ARSB: variants seen among roughly 807,000 people sequenced by gnomAD.
ARSB encodes arylsulfatase B.
ARSB carries 41 observed loss-of-function variants against 50.9 expected under a neutral mutation model. The observed-to-expected ratio is 0.81, with a 90% CI of 0.63 to 1.04. ARSB has a LOEUF of 1.04. Among genes scored for constraint, ARSB ranks in the 50% least tolerant of loss-of-function variants. The pLI is 0.00. For missense variants in ARSB, 672 were observed against 693.3 expected, an observed-to-expected ratio of 0.97 and a Z score of 0.35; for synonymous variants, 269 against 284.8, an observed-to-expected ratio of 0.94 and a Z score of 0.56.
chr5:78,812,620 CACACACACACAT>C (rs1467857414), intron 6 of ARSB, among the ~76,000 whole-genome samples: 11 of 151,020 alleles, frequency 7.3e-5, no homozygotes, highest in East Asian at 2.0e-4. Context: ...CACACACACA[CACACACACACAT>C]GATATCACAA....
intron 4 of ARSB, among the ~76,000 whole-genome samples, chr5:78,921,091 C>T (rs1235061454): frequency 1.3e-5 from 2 of 152,156 alleles, no homozygotes; most frequent in African/African-American, 2.4e-5. Flanking sequence ...CCTGGACGCT[C>T]AATGACCTGT....
At chr5:78,925,507 G>A (rs1048965741) in intron 4 of ARSB, among the ~76,000 whole-genome samples, 4 of 151,988 alleles carry the variant, frequency 2.6e-5, no homozygotes, top group African/African-American at 4.8e-5. Flanking sequence ...GAGGAAAGAA[G>A]TAGCAAGATT....
chr5:78,898,262 T>C (rs1285742562), intron 4 of ARSB, among the ~76,000 whole-genome samples: 1 of 152,130 alleles, frequency 6.6e-6, no homozygotes, highest in East Asian at 1.9e-4. Flanking sequence ...TGAGGCTCTG[T>C]CTCAAAACAA....
chr5:78,835,104 A>G (rs1744891978), intron 6 of ARSB, among the ~76,000 whole-genome samples: 1 of 151,994 alleles, frequency 6.6e-6, no homozygotes, highest in Non-Finnish European at 1.5e-5. Flanking sequence ...CTCCTGATCT[A>G]TGAGAGATTT....
At chr5:78,845,526 C>G (rs1405120922) in intron 5 of ARSB, among the ~76,000 whole-genome samples, 1 of 152,114 alleles carries the variant, frequency 6.6e-6, no homozygotes, top group Non-Finnish European at 1.5e-5. Flanking sequence ...TTCTCTACAA[C>G]CTCGCCAGGA....
intron 3 of ARSB, among the ~76,000 whole-genome samples, chr5:78,957,835 G>T (rs1260325396): frequency 1.3e-5 from 2 of 151,946 alleles, no homozygotes; most frequent in Non-Finnish European, 2.9e-5. Flanking sequence ...TGCAGTATGG[G>T]TCTGCTCTGG....
intron 6 of ARSB, among the ~76,000 whole-genome samples, chr5:78,827,885 TGA>T (rs1744504968): frequency 6.6e-6 from 1 of 151,912 alleles, no homozygotes; most frequent in Non-Finnish European, 1.5e-5. Context: ...TTTACTTCAC[TGA>T]GAGTTTCCGG....
At chr5:78,836,262 G>A (rs1250602604) in intron 6 of ARSB, among the ~76,000 whole-genome samples, 1 of 152,230 alleles carries the variant, frequency 6.6e-6, no homozygotes, top group Non-Finnish European at 1.5e-5. Flanking sequence ...GAGGAGGTGG[G>A]TGGCACCTTG....
At chr5:78,851,962 A>G (rs1420921975) in intron 5 of ARSB, among the ~76,000 whole-genome samples, 2 of 152,206 alleles carry the variant, frequency 1.3e-5, no homozygotes, top group Admixed American at 6.5e-5. Flanking sequence ...GTCTCTGCAC[A>G]TGAGATGGGT....
chr5:78,925,270 A>G (rs2112366291), intron 4 of ARSB, among the ~76,000 whole-genome samples: 1 of 152,350 alleles, frequency 6.6e-6, no homozygotes, highest in East Asian at 1.9e-4. Flanking sequence ...TTGGGAAAAT[A>G]TTATCAACAA....
At position 78,781,955 on chromosome 5, in the gene ARSB, A is replaced by T. The variant is rs1395176240; in HGVS notation, c.1233T>A (p.Ala411=). The T allele has an allele frequency of 3.1e-6, 5 of 1,614,020 alleles. No individual in the cohort carries two copies. Among genetic ancestry groups the T allele is most frequent in the Non-Finnish European group, 3.4e-6 (4 of 1,179,992 alleles). The change falls in exon 7 of 8, where the codon GCT becomes GCA. Residue 411 remains alanine, a synonymous_variant. Transcript: ENST00000264914. ...GAAGAGAAGAGTCATCCTTTGCTGG[A>T]GCCATGCTGTTCCTGGGACCTGGGA... ...DSSPCPRNSM[A]PAKDDSSLPE...
At chr5:78,936,013 TTCTC>T (rs200793361) in intron 4 of ARSB, among the ~76,000 whole-genome samples, 1,979 of 122,224 alleles carry the variant, frequency 0.016, 70 homozygotes, top group African/African-American at 0.058. Flanking sequence ...CTTTCTGTCT[TTCTC>T]TCTGTCTCTC....
intron 5 of ARSB, among the ~76,000 whole-genome samples, chr5:78,860,014 T>C (rs1746349977): frequency 6.6e-6 from 1 of 152,180 alleles, no homozygotes; most frequent in Admixed American, 6.5e-5. Flanking sequence ...AAACATTTAG[T>C]TTGAACTTAA....
At chr5:78,870,918 A>G (rs1460746265) in intron 5 of ARSB, among the ~76,000 whole-genome samples, 2 of 152,202 alleles carry the variant, frequency 1.3e-5, no homozygotes, top group African/African-American at 2.4e-5. Context: ...AGAAAACCCC[A>G]TTGTCTCAGC....
At chr5:78,825,664 T>C (rs900835515) in intron 6 of ARSB, among the ~76,000 whole-genome samples, 3 of 152,252 alleles carry the variant, frequency 2.0e-5, no homozygotes, top group African/African-American at 4.8e-5. Flanking sequence ...TAAGGGAAGG[T>C]AGTACTTAAG....
chr5:78,857,864 G>T (rs3098679), intron 5 of ARSB, among the ~76,000 whole-genome samples: 39,943 of 152,044 alleles, frequency 0.26, 7,031 homozygotes, highest in African/African-American at 0.5. Flanking sequence ...TTATTTTGGG[G>T]TTTCATTTGT....
In ARSB at chr5:78,882,597, C is replaced by T. The variant is rs372866609; in HGVS notation, c.1142+2987G>A. On this transcript the variant is annotated intron_variant, in intron 5 of 7. Transcript: ENST00000264914. Reference sequence around the variant, plus strand: ...GTAAGTATATCAAGGTATATCCATGCGATTGAATGTGCAGTGACTGAAATA... The same window carrying T: ...GTAAGTATATCAAGGTATATCCATGTGATTGAATGTGCAGTGACTGAAATA... Among the ~76,000 whole-genome samples, 91 of 152,032 alleles carry T rather than the reference C, an allele frequency of 6.0e-4. 1 individual carries two copies. In the South Asian group the frequency reaches 0.019, roughly 31 times the overall value.
chr5:78,976,912 T>C (rs189029260), intron 1 of ARSB, among the ~76,000 whole-genome samples: 25 of 152,278 alleles, frequency 1.6e-4, no homozygotes, highest in Non-Finnish European at 2.9e-4. Flanking sequence ...TTCACTCAGC[T>C]ACCATCTCAT....
At chr5:78,893,025 T>G (rs2112241173) in intron 4 of ARSB, among the ~76,000 whole-genome samples, 1 of 152,272 alleles carries the variant, frequency 6.6e-6, no homozygotes, top group South Asian at 2.1e-4. Flanking sequence ...TCCCATGTGT[T>G]GTAGGGGAGA....
Sources: gnomAD v4.1 joint callset for allele counts (sites outside exome capture counted in the v4.1 genomes callset) on GRCh38, gnomAD v4.1.1 for gene constraint, MANE v1.5 for transcripts, NCBI Gene and HGNC (gene_info 2026-07-23, HGNC 2026-07-21) for gene names.